DLG2: variants seen among roughly 807,000 people sequenced by gnomAD.
DLG2 encodes discs large MAGUK scaffold protein 2, also known as disks large homolog 2.
A neutral mutation model predicts 132.5 loss-of-function variants in DLG2; 45 were observed. The observed-to-expected ratio is 0.34, with a 90% CI of 0.27 to 0.44. The LOEUF is 0.44. DLG2 is among the 20% of genes least tolerant of loss of function. DLG2 has a pLI of 1.00. For synonymous variants in DLG2, 424 were observed against 419.6 expected, an observed-to-expected ratio of 1.01 and a Z score of -0.13; for missense variants, 1,045 against 1,196.9, an observed-to-expected ratio of 0.87 and a Z score of 1.87.
At chr11:85,137,969 C>G (rs994440671) in intron 5 of DLG2, among the ~76,000 whole-genome samples, 1 of 151,584 alleles carries the variant, frequency 6.6e-6, no homozygotes, top group Non-Finnish European at 1.5e-5. Flanking sequence ...TAATGGATCC[C>G]GAAAATAATT....
chr11:83,835,252 G>A (rs1398150301), intron 16 of DLG2, among the ~76,000 whole-genome samples: 1 of 152,094 alleles, frequency 6.6e-6, no homozygotes. Context: ...GTCCTTGTGG[G>A]CTTACAATCT....
chr11:85,256,836 C>T (rs745956742), intron 4 of DLG2, among the ~76,000 whole-genome samples: 31 of 152,128 alleles, frequency 2.0e-4, no homozygotes, highest in Non-Finnish European at 4.3e-4. Context: ...TCAATACTTT[C>T]GATACTATTA....
chr11:83,917,891 A>G (rs537688138), intron 15 of DLG2, among the ~76,000 whole-genome samples: 2 of 152,276 alleles, frequency 1.3e-5, no homozygotes, highest in East Asian at 3.9e-4. Flanking sequence ...ACTAGAGGAA[A>G]ATCTACAATT....
intron 11 of DLG2, among the ~76,000 whole-genome samples, chr11:84,042,596 C>T (rs1226021532): frequency 6.6e-6 from 1 of 151,594 alleles, no homozygotes; most frequent in African/African-American, 2.4e-5. Flanking sequence ...ATATAGATCC[C>T]AAATGTTTAT....
At chr11:85,390,325 C>G (rs2086690502) in intron 3 of DLG2, among the ~76,000 whole-genome samples, 1 of 151,948 alleles carries the variant, frequency 6.6e-6, no homozygotes, top group Non-Finnish European at 1.5e-5. Flanking sequence ...TATATATGCA[C>G]CTGACATTGG....
In DLG2 at chr11:85,535,066, G is replaced by C. The variant is rs568168933; in HGVS notation, c.40+63591C>G. ...TGACATGGTATCTCACTGTGGTTTT[G>C]ACTTGTATTTCTGTGATGATTAGGT... On this transcript the variant is annotated intron_variant, in intron 3 of 27. Transcript: ENST00000376104. 4.9e-4 allele frequency among the ~76,000 whole-genome samples: 75 copies of C among 152,132 alleles called. 1 individual carries two copies. The highest frequency in any genetic ancestry group is 1.6e-3 in the African/African-American group (67 of 41,484).
intron 3 of DLG2, among the ~76,000 whole-genome samples, chr11:85,349,793 T>C (rs1227975639): frequency 6.6e-6 from 1 of 152,182 alleles, no homozygotes; most frequent in Non-Finnish European, 1.5e-5. Flanking sequence ...TGCCACATTT[T>C]CTCAATCCAG....
At chr11:83,624,091 AAAAG>A (rs1343418643) in intron 19 of DLG2, among the ~76,000 whole-genome samples, 1 of 152,210 alleles carries the variant, frequency 6.6e-6, no homozygotes, top group African/African-American at 2.4e-5. Context: ...TTAATGGCAG[AAAAG>A]AAGTTTTATT....
intron 8 of DLG2, among the ~76,000 whole-genome samples, chr11:84,216,580 A>G (rs550705149): frequency 2.6e-5 from 4 of 152,322 alleles, no homozygotes; most frequent in South Asian, 4.1e-4. Context: ...AAAGTTATAA[A>G]GAATAAGCTT....
rs78718042 is a variant in DLG2, at chr11:83,755,612, T to C, written c.1825+31078A>G. Among the ~76,000 whole-genome samples, 677 of 151,440 alleles carry C rather than the reference T, an allele frequency of 4.5e-3. 11 individuals are homozygous for C. The highest frequency in any genetic ancestry group is 0.017 in the East Asian group (86 of 5,182). On this transcript the variant is annotated intron_variant, in intron 18 of 27. Coordinates refer to ENST00000376104, the MANE Select transcript of DLG2 (RefSeq NM_001142699.3). ...ATTAGATAGAGTAATGGACACACATTATGATCTATAGTGTTAATTTACTGG... is the reference window on the plus strand; with the variant it reads ...ATTAGATAGAGTAATGGACACACATCATGATCTATAGTGTTAATTTACTGG...
At chr11:85,282,377 G>C (rs2152755039) in intron 4 of DLG2, among the ~76,000 whole-genome samples, 1 of 151,938 alleles carries the variant, frequency 6.6e-6, no homozygotes, top group Non-Finnish European at 1.5e-5. Flanking sequence ...CTAACACAAA[G>C]AAATGATAAA....
chr11:84,581,570 T>A (rs1341542855), intron 6 of DLG2, among the ~76,000 whole-genome samples: 1 of 152,168 alleles, frequency 6.6e-6, no homozygotes, highest in Non-Finnish European at 1.5e-5. Context: ...TCCAACTTTA[T>A]AATGTCTCTC....
intron 6 of DLG2, among the ~76,000 whole-genome samples, chr11:85,101,958 G>A (rs183824399): frequency 2.7e-3 from 408 of 152,072 alleles, no homozygotes; most frequent in African/African-American, 9.3e-3. Flanking sequence ...AATAAGATGA[G>A]ATTAGCAGTT....
chr11:85,131,287 A>G (rs2075686709), intron 5 of DLG2, among the ~76,000 whole-genome samples: 1 of 152,130 alleles, frequency 6.6e-6, no homozygotes, highest in Non-Finnish European at 1.5e-5. Flanking sequence ...CTCATTAATA[A>G]CTTTTGATAA....
intron 12 of DLG2, among the ~76,000 whole-genome samples, chr11:83,975,487 T>C (rs1261078135): frequency 6.6e-6 from 1 of 152,068 alleles, no homozygotes; most frequent in Non-Finnish European, 1.5e-5. Flanking sequence ...TCTGATATTA[T>C]GGTCATCTTA....
At chr11:84,008,826 T>G (rs776681339) in intron 11 of DLG2, among the ~76,000 whole-genome samples, 2 of 151,728 alleles carry the variant, frequency 1.3e-5, no homozygotes, top group African/African-American at 4.8e-5. Flanking sequence ...ACCATTCAAA[T>G]AAGAGTTCCT....
intron 6 of DLG2, among the ~76,000 whole-genome samples, chr11:84,624,767 C>A (rs1355378253): frequency 6.6e-6 from 1 of 150,936 alleles, no homozygotes; most frequent in Non-Finnish European, 1.5e-5. Context: ...TTAACCCACA[C>A]CACTCCCTCA....
At chr11:85,061,395 T>G (rs888740819) in intron 6 of DLG2, among the ~76,000 whole-genome samples, 1 of 151,812 alleles carries the variant, frequency 6.6e-6, no homozygotes, top group East Asian at 1.9e-4. Flanking sequence ...GTTTTTTGCT[T>G]AGATATTATT....
chr11:84,703,360 G>C (rs955163265), intron 6 of DLG2, among the ~76,000 whole-genome samples: 1 of 151,500 alleles, frequency 6.6e-6, no homozygotes, highest in Admixed American at 6.6e-5. Flanking sequence ...TGCTCTAAAT[G>C]ATCAACTTTT....
Sources: gnomAD v4.1 joint callset for allele counts (sites outside exome capture counted in the v4.1 genomes callset) on GRCh38, gnomAD v4.1.1 for gene constraint, MANE v1.5 for transcripts, NCBI Gene and HGNC (gene_info 2026-07-23, HGNC 2026-07-21) for gene names.